The following SARS1 variants were observed in gnomAD, a reference collection of about 807,000 sequenced individuals.
SARS1 encodes seryl-tRNA synthetase 1, also known as serine--tRNA ligase, cytoplasmic.
A neutral mutation model predicts 63.7 loss-of-function variants in SARS1; 25 were observed. That is an observed-to-expected ratio of 0.39 (90% CI 0.29 to 0.55). SARS1 has a LOEUF of 0.55. SARS1 is among the 20% of genes least tolerant of loss of function. The pLI, the probability that SARS1 is intolerant of heterozygous loss-of-function variation, is 0.62. For synonymous variants in SARS1, 231 were observed against 243.5 expected (o/e 0.95, Z 0.48); for missense variants, 417 against 649.7 (o/e 0.64, Z 3.89).
intron 3 of SARS1, 44 bp from the exon 4 acceptor site, chr1:109,229,361 GTGCTGTCCT>G: frequency 6.3e-7 from 1 of 1,580,886 alleles, no homozygotes; most frequent in Non-Finnish European, 8.6e-7. Context: ...TCATATTCCT[GTGCTGTCCT>G]TGCCTCACTG....
intron 2 of SARS1, among the ~76,000 whole-genome samples, chr1:109,227,787 T>C (rs1338347977): frequency 6.6e-6 from 1 of 150,858 alleles, no homozygotes; most frequent in Non-Finnish European, 1.5e-5. Flanking sequence ...GACGTGGTGG[T>C]GCACTCCTGT....
chr1:109,221,059 C>CT, intron 1 of SARS1, among the ~76,000 whole-genome samples: 1 of 148,640 alleles, frequency 6.7e-6, no homozygotes, highest in Non-Finnish European at 1.5e-5. Context: ...TTCTTTTCTT[C>CT]TCTTTTTTTT....
chr1:109,216,495 G>A (rs1654791893), intron 1 of SARS1: 1 of 985,022 alleles, frequency 1.0e-6, no homozygotes, highest in African/African-American at 1.7e-5. Flanking sequence ...ATTTGTCTTG[G>A]CCCCACTCCC....
intron 1 of SARS1, among the ~76,000 whole-genome samples, chr1:109,222,375 G>GCA (rs962763215): frequency 6.6e-6 from 1 of 151,778 alleles, no homozygotes; most frequent in African/African-American, 2.4e-5. Flanking sequence ...TGCCAGTTTT[G>GCA]CACACATGTG....
chr1:109,218,282 G>A (rs1010977972), intron 1 of SARS1, among the ~76,000 whole-genome samples: 1 of 150,306 alleles, frequency 6.7e-6, no homozygotes, highest in African/African-American at 2.4e-5. Context: ...CAGGAGAATT[G>A]CTTGAACCCG....
chr1:109,217,208 A>G (rs140500082), intron 1 of SARS1: 67 of 873,974 alleles, frequency 7.7e-5, no homozygotes, highest in Admixed American at 5.0e-4. Flanking sequence ...TAAATCCACC[A>G]TAAGTTGAAA....
Position 109,214,909 on chromosome 1 carries a change from A to C in SARS1, c.136+781A>C, listed in dbSNP as rs1271167669. On this transcript the variant is annotated intron_variant, in intron 1 of 10. Coordinates refer to ENST00000234677, the MANE Select transcript of SARS1 (RefSeq NM_006513.4). This position sits in a 1 kb window ranked among gnomAD's most constrained non-coding sequence, Gnocchi z 4.6. ...ATCATGAAGCCGAATAAAACCATAGAACCATCTGCCCATAAATCTCTGCCT... is the reference window on the plus strand; with the variant it reads ...ATCATGAAGCCGAATAAAACCATAGCACCATCTGCCCATAAATCTCTGCCT... 1 of 985,444 alleles carries C rather than the reference A, an allele frequency of 1.0e-6. No individual in the cohort carries two copies. The highest frequency in any genetic ancestry group is 1.7e-5 in the African/African-American group (1 of 57,346). 61.0% of individuals were successfully genotyped at this position (985,444 alleles called of 1,614,324 possible).
intron 1 of SARS1, among the ~76,000 whole-genome samples, chr1:109,219,073 T>C (rs946714614): frequency 6.6e-6 from 1 of 151,210 alleles, no homozygotes; most frequent in Non-Finnish European, 1.5e-5. Context: ...GAGACCATCC[T>C]GGCTAACACG....
chr1:109,226,356 CTT>C (rs1167915724), intron 2 of SARS1, among the ~76,000 whole-genome samples: 23 of 128,982 alleles, frequency 1.8e-4, no homozygotes, highest in Non-Finnish European at 1.7e-4. Flanking sequence ...TTTGTTCTTT[CTT>C]TTTTTTTTTT....
chr1:109,231,455 A>G (rs557871293), intron 5 of SARS1, 176 bp from the exon 6 acceptor site: 101 of 452,492 alleles, frequency 2.2e-4, no homozygotes, highest in Non-Finnish European at 3.6e-4. Context: ...TTCAGTGTTC[A>G]GAACGAATCT....
At chr1:109,226,723 CACACAT>C (rs1296506240) in intron 2 of SARS1, among the ~76,000 whole-genome samples, 1,008 of 50,148 alleles carry the variant, frequency 0.02, 23 homozygotes, top group Middle Eastern at 0.069. Context: ...CACACACACA[CACACAT>C]ATATATATAT....
chr1:109,226,995 C>G (rs1655103421), intron 2 of SARS1, among the ~76,000 whole-genome samples: 1 of 131,246 alleles, frequency 7.6e-6, no homozygotes. Context: ...TTCTTTAACT[C>G]TTTTTTTTTT....
At chr1:109,226,729 T>C (rs3118501) in intron 2 of SARS1, among the ~76,000 whole-genome samples, 1,522 of 69,018 alleles carry the variant, frequency 0.022, 22 homozygotes, top group African/African-American at 0.028. Flanking sequence ...CACACACACA[T>C]ATATATATAT....
chr1:109,215,455 C>T (rs1361578315), intron 1 of SARS1: 1 of 985,132 alleles, frequency 1.0e-6, no homozygotes, highest in East Asian at 1.1e-4. Flanking sequence ...GTGGTGAGTT[C>T]TTCAGGGACA....
intron 1 of SARS1, chr1:109,217,330 AATC>A: frequency 5.8e-6 from 1 of 172,488 alleles, no homozygotes; most frequent in Non-Finnish European, 1.2e-5. Flanking sequence ...AGTTGGGAAA[AATC>A]ATCTTACACA....
chr1:109,238,035 A>T lies in SARS1; in HGVS notation c.*147A>T. 1.2e-6 allele frequency: 1 copy of T among 827,496 alleles called. No homozygotes were observed. Among genetic ancestry groups the T allele is most frequent in the East Asian group, 2.7e-5 (1 of 37,400 alleles). The allele number at this position is 827,496 out of a possible 1,614,324, so 51.3% of individuals were successfully genotyped here. The stretch of plus-strand genomic sequence containing the variant: ...AGAGGGGAACAGTGCCATGTACCAC[A>T]CAGATGTTCCTGTCTCCTCGCATGG... On this transcript the variant is annotated 3_prime_UTR_variant, in exon 11 of 11. Transcript: ENST00000234677.
At chr1:109,213,908 G>A, upstream of SARS1, 1 of 1,466,316 alleles carries the variant, frequency 6.8e-7, no homozygotes, top group Non-Finnish European at 9.1e-7. Flanking sequence ...GGGCGGGTCA[G>A]CGCGCCGGCG....
In SARS1 at chr1:109,237,700, A is replaced by G. The variant is rs1655343338; in HGVS notation, c.1388-31A>G. 6.2e-7 allele frequency: 1 copy of G among 1,611,660 alleles called. No individual in the cohort carries two copies. Among genetic ancestry groups the G allele is most frequent in the East Asian group, 2.2e-5 (1 of 44,844 alleles). ...TAGGGCTTTGACTCACTGAGAAACA[A>G]CAGGTCATTTGGTTGGCTCTTCCCT... On this transcript the variant is annotated intron_variant, in intron 10 of 10. Transcript: ENST00000234677. The surrounding 1 kb of genome is among the most constrained non-coding windows in gnomAD (Gnocchi z 4.1).
chr1:109,230,344 T>G (rs1341976283), intron 4 of SARS1, among the ~76,000 whole-genome samples: 2 of 152,064 alleles, frequency 1.3e-5, no homozygotes, highest in Non-Finnish European at 2.9e-5. Context: ...ATTCCCAGTT[T>G]CATGGCTAGA....
Sources: gnomAD v4.1 joint callset for allele counts (sites outside exome capture counted in the v4.1 genomes callset) on GRCh38, gnomAD v4.1.1 for gene constraint, Gnocchi (gnomAD v3.1) non-coding constraint, MANE v1.5 for transcripts, NCBI Gene and HGNC (gene_info 2026-07-23, HGNC 2026-07-21) for gene names.